Variants in APC observed in about 807,000 individuals in gnomAD.
APC encodes adenomatous polyposis coli protein.
In APC, 72 loss-of-function variants were observed where a neutral mutation model predicts 247.0. The ratio of observed to expected loss-of-function variants is 0.29; its 90% CI spans 0.24 to 0.35. The LOEUF (loss-of-function observed/expected upper bound fraction) is 0.35. Ranked by LOEUF, APC falls within the 10% of genes least tolerant of loss-of-function variation. The pLI, the probability that APC is intolerant of heterozygous loss-of-function variation, is 1.00. For synonymous variants in APC, 1,254 were observed against 1,162.5 expected (o/e 1.08, Z -1.60); for missense variants, 3,400 against 3,360.7 (o/e 1.01, Z -0.29).
intron 9 of APC, 102 bp from the exon 10 acceptor site, chr5:112,818,864 T>G: frequency 1.5e-6 from 2 of 1,320,030 alleles, no homozygotes; most frequent in South Asian, 1.3e-5. Context: ...GGTTGTTTTG[T>G]TTTTTTAGAG....
chr5:112,747,014 T>C (rs1753760144), intron 1 of APC, among the ~76,000 whole-genome samples: 1 of 152,228 alleles, frequency 6.6e-6, no homozygotes, highest in Non-Finnish European at 1.5e-5. Context: ...TCTTTCTTTC[T>C]TTTATTAAGA....
At chr5:112,723,511 A>G (rs896409210) in intron 1 of APC, among the ~76,000 whole-genome samples, 6 of 152,068 alleles carry the variant, frequency 3.9e-5, no homozygotes, top group Admixed American at 6.5e-5. Flanking sequence ...ACATATATAT[A>G]TGTATTTCAC....
chr5:112,799,748 C>T (rs924436767), intron 7 of APC, among the ~76,000 whole-genome samples: 2 of 152,060 alleles, frequency 1.3e-5, no homozygotes, highest in Non-Finnish European at 2.9e-5. Flanking sequence ...TTATCATATT[C>T]TTTTTGTTCT....
intron 9 of APC, among the ~76,000 whole-genome samples, chr5:112,816,068 A>C (rs1419781977): frequency 2.0e-5 from 3 of 152,222 alleles, no homozygotes; most frequent in Non-Finnish European, 4.4e-5. Flanking sequence ...AGTTCCAGCC[A>C]AACTGGCTCA....
intron 8 of APC, chr5:112,810,172 G>A (rs751734672): frequency 1.5e-5 from 7 of 455,926 alleles, no homozygotes; most frequent in Non-Finnish European, 3.1e-5. Context: ...GGAGCCAGTA[G>A]AGAAGAGAGT....
chr5:112,790,596 T>C (rs1323260352), intron 6 of APC, among the ~76,000 whole-genome samples: 3 of 152,164 alleles, frequency 2.0e-5, no homozygotes, highest in Non-Finnish European at 4.4e-5. Context: ...CCTGAAGTGC[T>C]GGGATTGCAG....
chr5:112,727,052 A>G (rs1214271822), intron 1 of APC, among the ~76,000 whole-genome samples: 2 of 152,038 alleles, frequency 1.3e-5, no homozygotes, highest in Non-Finnish European at 2.9e-5. Flanking sequence ...TTGGTGCAAA[A>G]ATAATTGCGG....
At position 112,844,202 on chromosome 5, in the gene APC, C is replaced by A; in HGVS notation, c.*76C>A. 7.3e-7 allele frequency: 1 copy of A among 1,374,084 alleles called. No individual in the cohort carries two copies. Among genetic ancestry groups the A allele is most frequent in the Non-Finnish European group, 1.0e-6 (1 of 998,982 alleles). 85.1% of individuals were successfully genotyped at this position (1,374,084 alleles called of 1,614,324 possible). On this transcript the variant is annotated 3_prime_UTR_variant, in exon 16 of 16. Transcript: ENST00000257430. ...TATAGACATTTTGTTTCAAATGAAA[C>A]TTTAAAAGACTGAAAAATTTTGTAA... is the stretch of plus-strand genomic sequence containing the variant.
chr5:112,785,361 C>T (rs1758822904), intron 6 of APC, among the ~76,000 whole-genome samples: 1 of 152,056 alleles, frequency 6.6e-6, no homozygotes, highest in African/African-American at 2.4e-5. Flanking sequence ...ATACAAAAAT[C>T]AGCAATAACT....
In APC at chr5:112,841,772, A is replaced by G. The variant is rs2149958980; in HGVS notation, c.6178A>G (p.Asn2060Asp). ...AAAGCCTTCAAGACTCAAGGGTGAT[A>G]ATGAAAAACATAGTCCCAGAAATAT... ...KKKPSRLKGDNEKHSPRNMGG... is the reference protein window; with the variant it reads ...KKKPSRLKGDDEKHSPRNMGG... The change falls in exon 16 of 16, where the codon AAT (asparagine) becomes GAT (aspartate). Residue 2060 changes from asparagine to aspartate, a missense_variant. Transcript: ENST00000257430. The surrounding 1 kb of genome is among the most constrained non-coding windows in gnomAD (Gnocchi z 4.6). 1 of 1,614,084 alleles carries G rather than the reference A, an allele frequency of 6.2e-7. No individual in the cohort carries two copies. Among genetic ancestry groups the G allele is most frequent in the Non-Finnish European group, 8.5e-7 (1 of 1,179,942 alleles).
At chr5:112,826,857 T>G (rs2149806982) in intron 11 of APC, among the ~76,000 whole-genome samples, 1 of 152,272 alleles carries the variant, frequency 6.6e-6, no homozygotes, top group African/African-American at 2.4e-5. Context: ...AATAATTATT[T>G]CGCTCAGCAA....
At chr5:112,782,023 C>T (rs1054539705) in intron 6 of APC, among the ~76,000 whole-genome samples, 1 of 152,190 alleles carries the variant, frequency 6.6e-6, no homozygotes, top group African/African-American at 2.4e-5. Context: ...TCATCATGCC[C>T]AGTGTATTAG....
rs371113837 is a variant in APC at position 112,839,469 on chromosome 5, C to A, written c.3875C>A (p.Thr1292Lys). ...GAAGATGAAATAGGATGTAATCAGA[C>A]GACACAGGAAGCAGATTCTGCTAAT... ...SAEDEIGCNQ[T>K]TQEADSANTL... Residue 1292 changes from threonine (T) to lysine (K), a missense_variant, in exon 16 of 16, where the codon ACG (threonine) becomes AAG (lysine). Around this residue, in one of 9 missense-constraint regions of APC, gnomAD observed 715 missense variants for 656.6 expected, o/e 1.09. Transcript: ENST00000257430. This position sits in a 1 kb window ranked among gnomAD's most constrained non-coding sequence, Gnocchi z 5.0. 1 of 1,614,132 alleles carries A rather than the reference C, an allele frequency of 6.2e-7. No homozygotes were observed.
intron 7 of APC, among the ~76,000 whole-genome samples, chr5:112,799,131 C>G (rs1469843307): frequency 6.8e-6 from 1 of 147,934 alleles, no homozygotes; most frequent in African/African-American, 2.5e-5. Flanking sequence ...ATCGTTTGAG[C>G]CGAGATTGCG....
chr5:112,829,897 A>G (rs142416823), intron 14 of APC: 53 of 152,322 alleles, frequency 3.5e-4, no homozygotes, highest in African/African-American at 1.2e-3. Flanking sequence ...AGAAGGAAAT[A>G]TCTCCAGGCA....
chr5:112,827,588 A>G (rs1763832440), intron 12 of APC, among the ~76,000 whole-genome samples: 1 of 152,214 alleles, frequency 6.6e-6, no homozygotes, highest in South Asian at 2.1e-4. Context: ...ACTTCCTAGG[A>G]ATGGGATTAA....
intron 15 of APC, among the ~76,000 whole-genome samples, 195 bp from the exon 16 acceptor site, chr5:112,837,358 T>A (rs934780633): frequency 6.6e-6 from 1 of 152,128 alleles, no homozygotes; most frequent in Non-Finnish European, 1.5e-5. Flanking sequence ...CACCTTTACT[T>A]TTTTTAGTGT....
chr5:112,844,561 C>T lies in APC; in HGVS notation c.*435C>T, dbSNP rs982327943. The T allele has an allele frequency of 1.7e-5, 4 of 236,562 alleles. No homozygotes were observed. The highest frequency in any genetic ancestry group is 6.1e-5 in the East Asian group (1 of 16,420). The allele number at this position is 236,562 out of a possible 1,614,324, so 14.7% of individuals were successfully genotyped here. A position where few individuals can be genotyped will look rare whatever the true frequency, so the allele number is the denominator to read the frequency against. Reference sequence around the variant, plus strand: ...AAAAATGTTTTTGTCCTTGTGAGTCCATCTAACATCATAATTAATCATGTG... The same window carrying T: ...AAAAATGTTTTTGTCCTTGTGAGTCTATCTAACATCATAATTAATCATGTG... On this transcript the variant is annotated 3_prime_UTR_variant, in exon 16 of 16. Coordinates refer to ENST00000257430, the MANE Select transcript of APC (RefSeq NM_000038.6).
intron 1 of APC, among the ~76,000 whole-genome samples, chr5:112,725,656 G>A (rs1751734681): frequency 6.6e-6 from 1 of 152,038 alleles, no homozygotes; most frequent in Non-Finnish European, 1.5e-5. Context: ...AGGTACTTGG[G>A]AGGCTGAGTT....
Sources: gnomAD v4.1 joint callset for allele counts (sites outside exome capture counted in the v4.1 genomes callset) on GRCh38, gnomAD v4.1.1 for gene constraint, gnomAD v4.1.1 regional missense constraint, Gnocchi (gnomAD v3.1) non-coding constraint, MANE v1.5 for transcripts, NCBI Gene and HGNC (gene_info 2026-07-23, HGNC 2026-07-21) for gene names.